MEGF6: variants seen among roughly 807,000 people sequenced by gnomAD.
The protein encoded by MEGF6 is multiple EGF like domains 6, also known as multiple epidermal growth factor-like domains protein 6.
MEGF6 carries 184 observed loss-of-function variants against 207.1 expected under a neutral mutation model. The ratio of observed to expected loss-of-function variants is 0.89; its 90% CI spans 0.79 to 1.00. MEGF6 has a LOEUF of 1.00. Ranked by LOEUF, MEGF6 falls within the 50% of genes least tolerant of loss-of-function variation. The pLI, the probability that MEGF6 is intolerant of heterozygous loss-of-function variation, is 0.00. For missense variants in MEGF6, 2,282 were observed against 2,202.9 expected (o/e 1.04, Z -0.72); for synonymous variants, 1,038 against 910.0 (o/e 1.14, Z -2.53).
intron 4 of MEGF6, among the ~76,000 whole-genome samples, chr1:3,563,076 G>C (rs1474108501): frequency 6.6e-6 from 1 of 152,026 alleles, no homozygotes; most frequent in Non-Finnish European, 1.5e-5. Context: ...CCAGTACAAG[G>C]GTCCCTCCCT....
At chr1:3,508,743 GCACAGA>G in intron 12 of MEGF6, 54 bp from the exon 13 acceptor site, 3 of 1,594,514 alleles carry the variant, frequency 1.9e-6, no homozygotes, top group Non-Finnish European at 2.6e-6. Flanking sequence ...GCCTCAGCAG[GCACAGA>G]GGCCCGGCTC....
chr1:3,584,090 C>T (rs1461057553), intron 3 of MEGF6, among the ~76,000 whole-genome samples: 2 of 152,254 alleles, frequency 1.3e-5, no homozygotes, highest in Non-Finnish European at 1.5e-5. Context: ...AATTCCTAGA[C>T]CTAAGGCTGG....
chr1:3,508,482 G>T, intron 13 of MEGF6, 76 bp downstream of exon 13: 1 of 1,532,588 alleles, frequency 6.5e-7, no homozygotes, highest in Non-Finnish European at 8.8e-7. Context: ...AAACTGAATG[G>T]GCTCAAAGGG....
intron 5 of MEGF6, among the ~76,000 whole-genome samples, chr1:3,521,339 A>G (rs1641739612): frequency 6.6e-6 from 1 of 152,158 alleles, no homozygotes; most frequent in South Asian, 2.1e-4. Context: ...CCCAGGGGCC[A>G]GAAATCCAGC....
chr1:3,510,987 CACACA>C (rs1641325978), intron 9 of MEGF6, 85 bp from the exon 10 acceptor site: 1 of 1,514,686 alleles, frequency 6.6e-7, no homozygotes, highest in Non-Finnish European at 8.9e-7. Context: ...CATACGACCA[CACACA>C]ACCCACGCGC....
Position 3,496,985 on chromosome 1 carries a change from C to CA in MEGF6, c.3613+2dup. On this transcript the variant is annotated splice_region_variant and intron_variant, in intron 28 of 36. Transcript: ENST00000356575. ...TCCCTGGGTGGGCACGGGCAGCACT[C>CA]ACGTTGCTGGCAGCTGGGGCCGTGG... 1 of 1,548,988 alleles carries CA rather than the reference C, an allele frequency of 6.5e-7. No homozygotes were observed. The highest frequency in any genetic ancestry group is 8.7e-7 in the Non-Finnish European group (1 of 1,146,934).
At chr1:3,500,230 G>A (rs904477600) in intron 21 of MEGF6, among the ~76,000 whole-genome samples, 3 of 152,210 alleles carry the variant, frequency 2.0e-5, no homozygotes, top group African/African-American at 7.2e-5. Flanking sequence ...CACACTGAGG[G>A]ATACCAGCCT....
At chr1:3,602,380 T>C (rs7521546) in intron 2 of MEGF6, 86 bp downstream of exon 2, 1,030,637 of 1,579,494 alleles carry the variant, frequency 0.65, 337,354 homozygotes, top group Non-Finnish European at 0.67. Flanking sequence ...GACGGGGTCC[T>C]GGCCTCAGCT....
At position 3,509,178 on chromosome 1, in the gene MEGF6, G is replaced by A. The variant is rs765111976; in HGVS notation, c.1425C>T (p.Ala475=). 16 of 1,578,122 alleles carry A rather than the reference G, an allele frequency of 1.0e-5. No homozygotes were observed. The highest frequency in any genetic ancestry group is 4.7e-5 in the East Asian group (2 of 42,632). ...LPFVRPLPHI[A]VLQDELPQLF... The stretch of plus-strand genomic sequence containing the variant: ...GTTGCGGCAGCTCGTCCTGGAGCAC[G>A]GCAATGTGGGGCAGGGGCCGCACGA... Residue 475 remains alanine, a synonymous_variant, in exon 12 of 37, where the codon GCC becomes GCT. Coordinates refer to ENST00000356575, the MANE Select transcript of MEGF6 (RefSeq NM_001409.4).
chr1:3,569,302 C>T (rs918917270), intron 4 of MEGF6, among the ~76,000 whole-genome samples: 6 of 152,370 alleles, frequency 3.9e-5, no homozygotes, highest in Non-Finnish European at 5.9e-5. Flanking sequence ...CCGGGGCTCC[C>T]AAAGGCCCTC....
chr1:3,488,596 A>G lies in MEGF6; in HGVS notation c.*1932T>C, dbSNP rs1640233879. Among the ~76,000 whole-genome samples, 1 of 152,346 alleles carries G rather than the reference A, an allele frequency of 6.6e-6. No homozygotes were observed. Among genetic ancestry groups the G allele is most frequent in the South Asian group, 2.1e-4 (1 of 4,832 alleles). On this transcript the variant is annotated 3_prime_UTR_variant, in exon 37 of 37. Coordinates refer to ENST00000356575, the MANE Select transcript of MEGF6 (RefSeq NM_001409.4). ...GCCGAGGCCTTGAAGGCCTAAGAAT[A>G]ACATGGACTTTGCATGCCTTTGATA...
rs1642720173 is a variant in MEGF6, at chr1:3,546,709, G to A, written c.482-22463C>T. Among the ~76,000 whole-genome samples, 3 of 148,504 alleles carry A rather than the reference G, an allele frequency of 2.0e-5. No homozygotes were observed. In the South Asian group the frequency reaches 6.4e-4, roughly 32 times the overall value. ...AGTGGGCTGGGAAGGGGGCTGCCAA[G>A]GAGGACGCCAAGGCGGGGTGGCAGC... On this transcript the variant is annotated intron_variant, in intron 4 of 36. Coordinates refer to ENST00000356575, the MANE Select transcript of MEGF6 (RefSeq NM_001409.4).
Position 3,496,681 on chromosome 1 carries a change from C to T in MEGF6, c.3716G>A (p.Gly1239Glu). ...GAGGTTGCAGTCCGTCCCGAGGAAC[C>T]CAGTGGGGCAGCGGCAGGCCCCCGT... is the stretch of plus-strand genomic sequence containing the variant. ...AATGACRCPTGFLGTDCNLTC... is the reference protein window; with the variant it reads ...AATGACRCPTEFLGTDCNLTC... Residue 1239 changes from glycine to glutamate, a missense_variant, in exon 29 of 37, where the codon GGG becomes GAG. Gly to Glu is a moderately conservative substitution (Grantham distance 98). Transcript: ENST00000356575. The T allele has an allele frequency of 6.4e-7, 1 of 1,569,984 alleles. No homozygotes were observed. The highest frequency in any genetic ancestry group is 8.6e-7 in the Non-Finnish European group (1 of 1,157,906).
In MEGF6 at chr1:3,492,649, C is replaced by G. The variant is rs762832741; in HGVS notation, c.4506G>C (p.Thr1502=). 3.1e-6 allele frequency: 5 copies of G among 1,610,714 alleles called. No homozygotes were observed. The South Asian group carries it at 5.5e-5, about 18-fold the overall frequency. Residue 1502 remains threonine, a synonymous_variant, in exon 35 of 37, where the codon ACG becomes ACC. Coordinates refer to ENST00000356575, the MANE Select transcript of MEGF6 (RefSeq NM_001409.4). ...CHCVDGYMGP[T]CREGGPLRLP... is the part of the protein sequence containing the mutation. ...GGAAGCCCAGCTCACCTTCCCGGCA[C>G]GTGGGCCCCATGTAGCCATCCACAC... is the stretch of plus-strand genomic sequence containing the variant.
At chr1:3,505,993 A>C in intron 15 of MEGF6, 115 bp downstream of exon 15, 1 of 1,376,186 alleles carries the variant, frequency 7.3e-7, no homozygotes, top group Non-Finnish European at 9.7e-7. Context: ...CCAGTGGGTG[A>C]CCTGGCTGGG....
rs554696662 is a variant in MEGF6 at position 3,594,620 on chromosome 1, C to A, written c.376+718G>T. 6.6e-5 allele frequency among the ~76,000 whole-genome samples: 10 copies of A among 152,270 alleles called. No homozygotes were observed. The East Asian group carries it at 1.7e-3, about 27-fold the overall frequency. ...CAGGGAGGGACACTGACCCCTTTGC[C>A]CAGGCGGTTTCACTGGCGGGGCTTC... is the stretch of plus-strand genomic sequence containing the variant. On this transcript the variant is annotated intron_variant, in intron 3 of 36. Coordinates refer to ENST00000356575, the MANE Select transcript of MEGF6 (RefSeq NM_001409.4). The surrounding 1 kb of genome is among the most constrained non-coding windows in gnomAD (Gnocchi z 4.2).
At chr1:3,503,866 G>A (rs567615237) in intron 17 of MEGF6, among the ~76,000 whole-genome samples, 13 of 152,246 alleles carry the variant, frequency 8.5e-5, no homozygotes, top group East Asian at 7.7e-4. Context: ...GGAAGTGGGC[G>A]CTCAGAGCTG....
intron 4 of MEGF6, among the ~76,000 whole-genome samples, chr1:3,567,526 A>G (rs1643377985): frequency 6.7e-6 from 1 of 150,360 alleles, no homozygotes; most frequent in Admixed American, 6.6e-5. Context: ...CAGCATGGAC[A>G]TGCCCCCCCC....
At chr1:3,580,026 C>T (rs755669743) in intron 3 of MEGF6, 97 bp from the exon 4 acceptor site, 5 of 806,644 alleles carry the variant, frequency 6.2e-6, no homozygotes, top group Middle Eastern at 3.3e-4. Context: ...GCCCACCCAG[C>T]CTGCCAGGTC....
Sources: gnomAD v4.1 joint callset for allele counts (sites outside exome capture counted in the v4.1 genomes callset) on GRCh38, gnomAD v4.1.1 for gene constraint, Gnocchi (gnomAD v3.1) non-coding constraint, MANE v1.5 for transcripts, NCBI Gene and HGNC (gene_info 2026-07-23, HGNC 2026-07-21) for gene names.